Variants in LEUTX observed in about 807,000 individuals in gnomAD.
The protein encoded by LEUTX is leucine twenty homeobox.
A neutral mutation model predicts 4.5 loss-of-function variants in LEUTX; 5 were observed. The ratio of observed to expected loss-of-function variants is 1.11; its 90% CI spans 0.58 to 2.34. The LOEUF (loss-of-function observed/expected upper bound fraction) is 2.34, where lower values mean the gene tolerates loss of function less well. Ranked by LOEUF, LEUTX falls within the 30% of genes most tolerant of loss-of-function variation. The pLI is 0.01. For missense variants in LEUTX, 233 were observed against 239.4 expected (o/e 0.97, Z 0.18); for synonymous variants, 89 against 85.1 (o/e 1.05, Z -0.25).
At chr19:39,785,485 A>T (rs1198062452) in intron 2 of LEUTX, among the ~76,000 whole-genome samples, 1 of 151,986 alleles carries the variant, frequency 6.6e-6, no homozygotes, top group African/African-American at 2.4e-5. Flanking sequence ...TATTTAATAC[A>T]TCACAATCTA....
chr19:39,782,879 AT>A (rs374783681), intron 1 of LEUTX, among the ~76,000 whole-genome samples: 1 of 151,630 alleles, frequency 6.6e-6, no homozygotes, highest in Non-Finnish European at 1.5e-5. Flanking sequence ...ACATTTTTAA[AT>A]TTTTTTTTGT....
upstream of LEUTX, chr19:39,776,453 G>A (rs574550111): frequency 1.1e-5 from 4 of 354,414 alleles, no homozygotes; most frequent in East Asian, 3.2e-4. Context: ...TGAAGCTCCG[G>A]GAGTGCTGCC....
At chr19:39,784,806 A>C in intron 2 of LEUTX, 128 bp downstream of exon 2, 1 of 657,342 alleles carries the variant, frequency 1.5e-6, no homozygotes, top group Non-Finnish European at 2.6e-6. Flanking sequence ...TAAGCACTTT[A>C]TATTTTTATT....
chr19:39,779,184 C>T (rs779302969), intron 1 of LEUTX, among the ~76,000 whole-genome samples: 5 of 152,016 alleles, frequency 3.3e-5, no homozygotes, highest in Admixed American at 6.6e-5. Context: ...GCTCCTAGGC[C>T]CTAGTGATCC....
chr19:39,777,590 T>A (rs146432969), upstream of LEUTX, among the ~76,000 whole-genome samples: 42 of 152,332 alleles, frequency 2.8e-4, no homozygotes, highest in East Asian at 7.9e-3. Context: ...GAGGCCCACT[T>A]TATCCTTTCC....
At chr19:39,779,518 T>C (rs1199561976) in intron 1 of LEUTX, among the ~76,000 whole-genome samples, 2 of 152,184 alleles carry the variant, frequency 1.3e-5, no homozygotes, top group Non-Finnish European at 2.9e-5. Context: ...ATGTTTTTTT[T>C]CTTGAGGCTT....
At chr19:39,780,626 G>A (rs73546627) in intron 1 of LEUTX, among the ~76,000 whole-genome samples, 2,701 of 151,742 alleles carry the variant, frequency 0.018, 83 homozygotes, top group African/African-American at 0.06. Flanking sequence ...ATTTTTTTCC[G>A]ACCTTTTCAC....
rs568239065 is a variant in LEUTX, at chr19:39,780,981, G to A, written c.7+2054G>A. 1.4e-3 allele frequency among the ~76,000 whole-genome samples: 217 copies of A among 152,074 alleles called. 1 individual carries two copies. The highest frequency in any genetic ancestry group is 4.9e-3 in the African/African-American group (205 of 41,468). ...GGCCTCCCAAAGTGCTAGTATTACA[G>A]GCATGAGCCACCGTGCCCAGCCTTA... On this transcript the variant is annotated intron_variant, in intron 1 of 2. Transcript: ENST00000638280.
chr19:39,782,879 A>ATT (rs374783681), intron 1 of LEUTX, among the ~76,000 whole-genome samples: 1 of 151,522 alleles, frequency 6.6e-6, no homozygotes, highest in African/African-American at 2.4e-5. Flanking sequence ...ACATTTTTAA[A>ATT]TTTTTTTTTG....
At chr19:39,777,932 G>A (rs758130765), upstream of LEUTX, among the ~76,000 whole-genome samples, 1 of 152,184 alleles carries the variant, frequency 6.6e-6, no homozygotes, top group Non-Finnish European at 1.5e-5. Context: ...CCTGGTGGGG[G>A]TGTGGAGGTT....
chr19:39,785,299 A>G (rs969282249), intron 2 of LEUTX, among the ~76,000 whole-genome samples: 5 of 152,054 alleles, frequency 3.3e-5, no homozygotes, highest in Admixed American at 3.3e-4. Flanking sequence ...TTAACCAGAC[A>G]TGGAGGCACA....
chr19:39,785,462 A>G (rs1967952177), intron 2 of LEUTX, among the ~76,000 whole-genome samples: 1 of 151,960 alleles, frequency 6.6e-6, no homozygotes, highest in African/African-American at 2.4e-5. Flanking sequence ...CACCACTAAT[A>G]AAAACACCCT....
intron 1 of LEUTX, among the ~76,000 whole-genome samples, chr19:39,782,594 A>G (rs1967902668): frequency 6.6e-6 from 1 of 152,162 alleles, no homozygotes; most frequent in South Asian, 2.1e-4. Context: ...GTTGCTAGGA[A>G]AACATATTGG....
Position 39,785,918 on chromosome 19 carries a change from C to G in LEUTX, c.380C>G (p.Ala127Gly), listed in dbSNP as rs757909677. ...TCTGGTATCAAGAATCCTGGAGGAG[C>G]CAGCGCCTCTGCGAGGGTTTCATCC... ...EPSGIKNPGG[A>G]SASARVSSWD... The change falls in exon 3 of 3, where the codon GCC becomes GGC. Residue 127 changes from alanine to glycine, a missense_variant. By Grantham distance (60) the Ala-to-Gly change is moderately conservative. Coordinates refer to ENST00000638280, the MANE Select transcript of LEUTX (RefSeq NM_001382345.1). The G allele has an allele frequency of 6.4e-7, 1 of 1,551,654 alleles. No homozygotes were observed. Among genetic ancestry groups the G allele is most frequent in the Non-Finnish European group, 8.7e-7 (1 of 1,147,010 alleles).
chr19:39,778,272 C>T (rs1319408449), upstream of LEUTX, among the ~76,000 whole-genome samples: 1 of 152,202 alleles, frequency 6.6e-6, no homozygotes, highest in Non-Finnish European at 1.5e-5. Flanking sequence ...GCTGAAAACT[C>T]GTTATGGGCT....
intron 1 of LEUTX, among the ~76,000 whole-genome samples, chr19:39,783,332 T>C (rs888846799): frequency 1.5e-5 from 2 of 134,386 alleles, no homozygotes; most frequent in African/African-American, 5.5e-5. Flanking sequence ...ACATTATACA[T>C]AAATTATTAT....
intron 1 of LEUTX, among the ~76,000 whole-genome samples, chr19:39,780,206 A>G (rs1967865634): frequency 6.6e-6 from 1 of 152,210 alleles, no homozygotes; most frequent in South Asian, 2.1e-4. Flanking sequence ...AATACTAATT[A>G]GTCGATTTTA....
At chr19:39,778,692 G>A (rs1967836950), upstream of LEUTX, among the ~76,000 whole-genome samples, 2 of 105,158 alleles carry the variant, frequency 1.9e-5, no homozygotes, top group African/African-American at 7.8e-5. Flanking sequence ...TTTAAACATA[G>A]TTTTATTCCC....
At chr19:39,777,386 A>G (rs1398531254), upstream of LEUTX, among the ~76,000 whole-genome samples, 1 of 152,228 alleles carries the variant, frequency 6.6e-6, no homozygotes, top group African/African-American at 2.4e-5. Context: ...CACTGGAACA[A>G]ATCTTAGCAG....
Sources: gnomAD v4.1 joint callset for allele counts (sites outside exome capture counted in the v4.1 genomes callset) on GRCh38, gnomAD v4.1.1 for gene constraint, MANE v1.5 for transcripts, NCBI Gene and HGNC (gene_info 2026-07-23, HGNC 2026-07-21) for gene names.